Variants in ZSCAN5A observed in about 807,000 individuals in gnomAD.
The protein encoded by ZSCAN5A is zinc finger and SCAN domain containing 5A.
ZSCAN5A carries 12 observed loss-of-function variants against 23.7 expected under a neutral mutation model. The ratio of observed to expected loss-of-function variants is 0.51; its 90% CI spans 0.32 to 0.82. The LOEUF is 0.82. ZSCAN5A is among the 40% of genes least tolerant of loss of function. The pLI, the probability that ZSCAN5A is intolerant of heterozygous loss-of-function variation, is 0.03. For missense variants in ZSCAN5A, 597 were observed against 617.9 expected, an observed-to-expected ratio of 0.97 and a Z score of 0.36; for synonymous variants, 257 against 239.9, an observed-to-expected ratio of 1.07 and a Z score of -0.66.
chr19:56,246,425 C>A (rs190376351), intron 2 of ZSCAN5A: 1 of 563,582 alleles, frequency 1.8e-6, no homozygotes, highest in Non-Finnish European at 3.2e-6. Context: ...GAAGAAAACA[C>A]GGGACTTACA....
At chr19:56,301,810 G>A in intron 2 of ZSCAN5A, 8 of 737,176 alleles carry the variant, frequency 1.1e-5, no homozygotes, top group Non-Finnish European at 1.5e-5. Flanking sequence ...CAAGAAGGGG[G>A]AAGCTGGCAG....
intron 2 of ZSCAN5A, among the ~76,000 whole-genome samples, chr19:56,230,615 ATGTG>A (rs58270311): frequency 0.06 from 8,923 of 147,618 alleles, 900 homozygotes; most frequent in African/African-American, 0.21. Flanking sequence ...TTATTTCTTG[ATGTG>A]TGTGTGTGTG....
At chr19:56,326,081 C>T (rs1428448635) in intron 2 of ZSCAN5A, among the ~76,000 whole-genome samples, 9 of 151,802 alleles carry the variant, frequency 5.9e-5, no homozygotes, top group African/African-American at 1.9e-4. Flanking sequence ...TACAGGCCCC[C>T]GCCACCACGC....
At chr19:56,234,886 C>G (rs989978552) in intron 2 of ZSCAN5A, among the ~76,000 whole-genome samples, 1 of 152,246 alleles carries the variant, frequency 6.6e-6, no homozygotes, top group African/African-American at 2.4e-5. Flanking sequence ...AACTCGGTGT[C>G]TGAGAGGTTT....
chr19:56,321,787 T>C, intron 2 of ZSCAN5A: 2 of 1,193,084 alleles, frequency 1.7e-6, no homozygotes, highest in Non-Finnish European at 2.5e-6. Flanking sequence ...GCTTGATTCC[T>C]ACCCAGTAGT....
In ZSCAN5A at chr19:56,221,487, T is replaced by C; in HGVS notation, c.*88A>G. ...CACTCCCTCTGTGTGTCAGACGCCC[T>C]TGCATGTGTCAAATGTCATCTGATA... On this transcript the variant is annotated 3_prime_UTR_variant, in exon 6 of 6. Transcript: ENST00000683990. 9 of 1,495,792 alleles carry C rather than the reference T, an allele frequency of 6.0e-6. No homozygotes were observed. The South Asian group carries it at 1.2e-4, about 21-fold the overall frequency. 92.7% of individuals were successfully genotyped at this position (1,495,792 alleles called of 1,614,324 possible). A position where few individuals can be genotyped will look rare whatever the true frequency, so the allele number is the denominator to read the frequency against.
At chr19:56,248,823 T>C (rs993285448) in intron 2 of ZSCAN5A, among the ~76,000 whole-genome samples, 7 of 152,082 alleles carry the variant, frequency 4.6e-5, no homozygotes, top group East Asian at 1.9e-4. Context: ...CGGCACAGCC[T>C]CTCCCCGCCC....
chr19:56,345,686 C>T (rs183041979), intron 2 of ZSCAN5A, among the ~76,000 whole-genome samples: 2 of 152,250 alleles, frequency 1.3e-5, no homozygotes, highest in East Asian at 3.9e-4. Flanking sequence ...CTTTAACTGG[C>T]TCTCTGAGCT....
At chr19:56,347,738 T>G (rs1344929610) in intron 2 of ZSCAN5A, 1 of 152,300 alleles carries the variant, frequency 6.6e-6, no homozygotes, top group Non-Finnish European at 1.5e-5. Flanking sequence ...CAGCTCCTGA[T>G]AGTAGAAGGA....
At chr19:56,318,452 A>G (rs907967804), upstream of ZSCAN5A, among the ~76,000 whole-genome samples, 7 of 152,230 alleles carry the variant, frequency 4.6e-5, no homozygotes, top group African/African-American at 1.4e-4. Flanking sequence ...ATCTAGAACA[A>G]TAACCCAACA....
chr19:56,242,094 C>T (rs551393738), intron 2 of ZSCAN5A, among the ~76,000 whole-genome samples: 16 of 152,274 alleles, frequency 1.1e-4, no homozygotes, highest in African/African-American at 3.8e-4. Context: ...GTTGGACTTT[C>T]AATTTTCTGA....
intron 2 of ZSCAN5A, among the ~76,000 whole-genome samples, chr19:56,350,768 C>T (rs1027091207): frequency 6.6e-5 from 10 of 152,018 alleles, no homozygotes; most frequent in African/African-American, 2.4e-4. Context: ...TGTATCCTAA[C>T]CCTACATTTT....
At chr19:56,341,613 A>G (rs1353383615) in intron 2 of ZSCAN5A, among the ~76,000 whole-genome samples, 1 of 151,646 alleles carries the variant, frequency 6.6e-6, no homozygotes, top group East Asian at 1.9e-4. Context: ...GGAAGATAAC[A>G]AATGTAATAA....
At chr19:56,321,727 G>A (rs2041378188) in intron 2 of ZSCAN5A, 3 of 1,392,832 alleles carry the variant, frequency 2.2e-6, no homozygotes, top group African/African-American at 2.8e-5. Flanking sequence ...TTGATTTGCT[G>A]AGGACATAAC....
intron 2 of ZSCAN5A, among the ~76,000 whole-genome samples, chr19:56,303,250 C>T (rs753947669): frequency 2.6e-5 from 4 of 152,038 alleles, no homozygotes; most frequent in Non-Finnish European, 5.9e-5. Flanking sequence ...GAGGCTGAGG[C>T]GGCTGGATCA....
At chr19:56,244,617 C>T (rs11670697) in intron 2 of ZSCAN5A, among the ~76,000 whole-genome samples, 89,660 of 142,604 alleles carry the variant, frequency 0.63, 29,241 homozygotes, top group Non-Finnish European at 0.7. Flanking sequence ...GGACAGGAGA[C>T]GCTGCTAAGC....
chr19:56,321,101 C>A, intron 2 of ZSCAN5A: 1 of 692,388 alleles, frequency 1.4e-6, no homozygotes, highest in South Asian at 1.4e-5. Flanking sequence ...GGATCTGTAA[C>A]AAGGGGACGG....
intron 2 of ZSCAN5A, among the ~76,000 whole-genome samples, chr19:56,303,207 C>A (rs185829113): frequency 2.6e-5 from 4 of 152,092 alleles, no homozygotes; most frequent in African/African-American, 7.2e-5. Context: ...AGGCCGGGCA[C>A]GGTGGCTCAC....
At chr19:56,337,521 T>C (rs1157648095) in intron 2 of ZSCAN5A, among the ~76,000 whole-genome samples, 1 of 152,244 alleles carries the variant, frequency 6.6e-6, no homozygotes, top group African/African-American at 2.4e-5. Context: ...CCCTGACCCC[T>C]TGTGCTTCCC....
Sources: allele counts gnomAD v4.1 joint callset (sites outside exome capture counted in the v4.1 genomes callset), GRCh38; gene constraint gnomAD v4.1.1; transcripts MANE v1.5; gene names NCBI Gene and HGNC (gene_info 2026-07-23, HGNC 2026-07-21).